The following HDAC9 variants were observed in gnomAD, a reference collection of about 807,000 sequenced individuals.
HDAC9 encodes histone deacetylase 9.
HDAC9 carries 41 observed loss-of-function variants against 139.4 expected under a neutral mutation model. The ratio of observed to expected loss-of-function variants is 0.29; its 90% CI spans 0.23 to 0.38. The LOEUF (loss-of-function observed/expected upper bound fraction) is 0.38, where lower values mean the gene tolerates loss of function less well. Among genes scored for constraint, HDAC9 ranks in the 10% least tolerant of loss-of-function variants. HDAC9 has a pLI of 1.00. For synonymous variants in HDAC9, 517 were observed against 476.2 expected (o/e 1.09, Z -1.12); for missense variants, 1,147 against 1,297.0 (o/e 0.88, Z 1.78).
chr7:18,667,085 C>G (rs947516781), intron 12 of HDAC9: 2 of 985,146 alleles, frequency 2.0e-6, no homozygotes, highest in Non-Finnish European at 2.4e-6. Context: ...TGCAATTGAA[C>G]ATATTAGGAA....
At chr7:18,989,592 T>C (rs1375106841) in intron 25 of HDAC9, among the ~76,000 whole-genome samples, 29 of 151,230 alleles carry the variant, frequency 1.9e-4, no homozygotes, top group Non-Finnish European at 3.2e-4. Flanking sequence ...TGAATCTGAA[T>C]GTTGGCCTGC....
At position 18,220,146 on chromosome 7, in the gene HDAC9, C is replaced by G. The variant is rs188418250; in HGVS notation, c.25+57797C>G. 2.6e-3 allele frequency among the ~76,000 whole-genome samples: 401 copies of G among 152,068 alleles called. 1 individual carries two copies. The highest frequency in any genetic ancestry group is 9.1e-3 in the African/African-American group (376 of 41,486). On this transcript the variant is annotated intron_variant, in intron 2 of 12. Transcript: ENST00000417496. ...GTTGGAAGGGGAGATCTTCACAAGACCATAACAAAATGAAAAATTCAGTGA... is the reference window on the plus strand; with the variant it reads ...GTTGGAAGGGGAGATCTTCACAAGAGCATAACAAAATGAAAAATTCAGTGA...
In HDAC9 at chr7:18,747,236, C is replaced by T. The variant is rs190274829; in HGVS notation, c.1910-1769C>T. ...AATTTCAGTCTCTTTAGTGAAGGCC[C>T]TGAAGGATTTAAACAGAAGAGGCGA... is the stretch of plus-strand genomic sequence containing the variant. On this transcript the variant is annotated intron_variant, in intron 13 of 25. Transcript: ENST00000686413. Among the ~76,000 whole-genome samples the T allele has an allele frequency of 2.4e-3, 371 of 152,192 alleles. 1 individual carries two copies. Among genetic ancestry groups the T allele is most frequent in the Non-Finnish European group, 4.4e-3 (296 of 68,008 alleles).
chr7:18,421,959 T>C lies in HDAC9; in HGVS notation c.-41-74303T>C, dbSNP rs368541613. On this transcript the variant is annotated intron_variant, in intron 1 of 3. Transcript: ENST00000413509. Reference sequence around the variant, plus strand: ...TATATCTTTCGGGCTTGATCATGTTTTTCTGTGACTGCCATTGTGTGTCTG... The same window carrying C: ...TATATCTTTCGGGCTTGATCATGTTCTTCTGTGACTGCCATTGTGTGTCTG... Among the ~76,000 whole-genome samples, 6 of 152,338 alleles carry C rather than the reference T, an allele frequency of 3.9e-5. No homozygotes were observed. In the East Asian group the frequency reaches 9.6e-4, roughly 24 times the overall value.
In HDAC9 at chr7:18,594,044, C is replaced by T. The variant is rs117534138; in HGVS notation, c.664+15C>T. On this transcript the variant is annotated intron_variant, in intron 6 of 25. Coordinates refer to ENST00000686413, the MANE Select transcript of HDAC9 (RefSeq NM_178425.4). Reference sequence around the variant, plus strand: ...TCGAAAAACTGGTAAGTTGGTTTAACAGGAACTCTGTTTGCTCTTCTGTAA... The same window carrying T: ...TCGAAAAACTGGTAAGTTGGTTTAATAGGAACTCTGTTTGCTCTTCTGTAA... 3.5e-4 allele frequency: 558 copies of T among 1,611,516 alleles called. 7 individuals are homozygous for T. The East Asian group carries it at 0.01, about 29-fold the overall frequency.
At chr7:18,517,868 A>G (rs1228842849) in intron 2 of HDAC9, 1 of 152,206 alleles carries the variant, frequency 6.6e-6, no homozygotes, top group Non-Finnish European at 1.5e-5. Flanking sequence ...ACTCCTGACT[A>G]TACTTCTGAA....
At chr7:18,462,526 A>G (rs1358639948) in intron 1 of HDAC9, among the ~76,000 whole-genome samples, 1 of 151,802 alleles carries the variant, frequency 6.6e-6, no homozygotes, top group African/African-American at 2.4e-5. Flanking sequence ...CCCAACCCCA[A>G]CCCCAATCCA....
At chr7:18,819,991 A>G (rs1349110534) in intron 17 of HDAC9, among the ~76,000 whole-genome samples, 3 of 152,236 alleles carry the variant, frequency 2.0e-5, no homozygotes, top group Non-Finnish European at 2.9e-5. Flanking sequence ...ATTGTATTGC[A>G]TAATATGGCA....
At chr7:18,354,816 A>G (rs1783127273) in intron 1 of HDAC9, among the ~76,000 whole-genome samples, 1 of 152,152 alleles carries the variant, frequency 6.6e-6, no homozygotes, top group Admixed American at 6.6e-5. Flanking sequence ...GATCTAAAAC[A>G]GGCAATACAA....
chr7:18,139,364 C>T (rs1472589123), intron 1 of HDAC9, among the ~76,000 whole-genome samples: 1 of 152,052 alleles, frequency 6.6e-6, no homozygotes, highest in East Asian at 1.9e-4. Context: ...TGAGCTCAAG[C>T]AGTCCTCCTG....
intron 14 of HDAC9, among the ~76,000 whole-genome samples, chr7:18,751,209 G>A (rs755835074): frequency 1.3e-5 from 2 of 152,134 alleles, no homozygotes; most frequent in African/African-American, 2.4e-5. Flanking sequence ...ACTAACCGAC[G>A]TAATATCAAA....
chr7:18,430,770 C>G (rs1290221963), intron 1 of HDAC9: 8 of 152,038 alleles, frequency 5.3e-5, no homozygotes, highest in African/African-American at 1.9e-4. Flanking sequence ...GCCTGTAATC[C>G]CAGCTACTTG....
chr7:18,093,206 C>T (rs1782278914), intron 1 of HDAC9, among the ~76,000 whole-genome samples: 1 of 152,190 alleles, frequency 6.6e-6, no homozygotes, highest in South Asian at 2.1e-4. Flanking sequence ...CCTCCCTTCT[C>T]CCCTGGCAGG....
At chr7:18,755,838 G>A (rs561853569) in intron 14 of HDAC9, among the ~76,000 whole-genome samples, 2 of 152,224 alleles carry the variant, frequency 1.3e-5, no homozygotes, top group South Asian at 4.1e-4. Context: ...CGTAGTGACT[G>A]AATCAAGCAG....
intron 1 of HDAC9, among the ~76,000 whole-genome samples, chr7:18,435,201 C>T (rs990464231): frequency 2.0e-5 from 3 of 151,252 alleles, no homozygotes; most frequent in African/African-American, 4.9e-5. Flanking sequence ...GGGAGCTAAA[C>T]ATAGACCATA....
At chr7:18,715,624 G>A (rs571980996) in intron 12 of HDAC9, among the ~76,000 whole-genome samples, 1 of 152,074 alleles carries the variant, frequency 6.6e-6, no homozygotes, top group Non-Finnish European at 1.5e-5. Context: ...GAAAGAATTG[G>A]GATCCTACTT....
intron 1 of HDAC9, among the ~76,000 whole-genome samples, chr7:18,427,983 G>A (rs1442531584): frequency 2.0e-5 from 3 of 152,126 alleles, no homozygotes; most frequent in African/African-American, 7.2e-5. Context: ...GAATCATGCA[G>A]TATGTGTCCT....
chr7:18,835,948 G>T lies in HDAC9; in HGVS notation c.2635G>T (p.Gly879Cys). ...GTACAATATAAATATTGCCTGGACA[G>T]GTGGCCTTGATCCTCCCATGGGAGA... ...EGYNINIAWT[G>C]GLDPPMGDVE... Residue 879 changes from glycine to cysteine, a missense_variant, in exon 21 of 26, where the codon GGT becomes TGT. Physicochemically the swap from Gly to Cys is radical, Grantham distance 159. Coordinates refer to ENST00000686413, the MANE Select transcript of HDAC9 (RefSeq NM_178425.4). The T allele has an allele frequency of 6.4e-7, 1 of 1,566,072 alleles. No homozygotes were observed. The highest frequency in any genetic ancestry group is 8.7e-7 in the Non-Finnish European group (1 of 1,153,740).
chr7:18,878,179 T>C (rs1799462415), intron 22 of HDAC9, among the ~76,000 whole-genome samples: 1 of 152,170 alleles, frequency 6.6e-6, no homozygotes, highest in South Asian at 2.1e-4. Context: ...CTTTATAGTG[T>C]TGTTAACATT....
Sources: gnomAD v4.1 joint callset for allele counts (sites outside exome capture counted in the v4.1 genomes callset) on GRCh38, gnomAD v4.1.1 for gene constraint, MANE v1.5 for transcripts, NCBI Gene and HGNC (gene_info 2026-07-23, HGNC 2026-07-21) for gene names.